Variants in SLC12A3 observed in about 807,000 individuals in gnomAD.
SLC12A3 encodes Na-Cl cotransporter.
A neutral mutation model predicts 121.0 loss-of-function variants in SLC12A3; 104 were observed. The ratio of observed to expected loss-of-function variants is 0.86; its 90% CI spans 0.73 to 1.01. SLC12A3 has a LOEUF of 1.01. Among genes scored for constraint, SLC12A3 ranks in the 50% least tolerant of loss-of-function variants. SLC12A3 has a pLI of 0.00. For missense variants in SLC12A3, 1,328 were observed against 1,356.3 expected (o/e 0.98, Z 0.33); for synonymous variants, 536 against 533.4 (o/e 1.00, Z -0.07).
At chr16:56,895,840 G>T (rs757271785) in intron 22 of SLC12A3, among the ~76,000 whole-genome samples, 3 of 152,102 alleles carry the variant, frequency 2.0e-5, no homozygotes, top group Non-Finnish European at 4.4e-5. Context: ...TTGTTTTCCT[G>T]CAACTAGATG....
chr16:56,889,538 G>A lies in SLC12A3; in HGVS notation c.2286-736G>A, dbSNP rs1036152452. ...GTCGCCCCGGCTGGAGTGCAATGGT[G>A]CGATCTTGGCTCACCACAACCTCTG... On this transcript the variant is annotated intron_variant, in intron 18 of 25. Coordinates refer to ENST00000563236, the MANE Select transcript of SLC12A3 (RefSeq NM_001126108.2). Among the ~76,000 whole-genome samples the A allele has an allele frequency of 2.8e-4, 43 of 152,266 alleles. 1 individual carries two copies. Among genetic ancestry groups the A allele is most frequent in the South Asian group, 4.2e-4 (2 of 4,818 alleles).
chr16:56,903,762 C>T (rs1032790698), intron 24 of SLC12A3, among the ~76,000 whole-genome samples: 5 of 131,536 alleles, frequency 3.8e-5, no homozygotes, highest in African/African-American at 6.8e-5. Context: ...CCCAGTCCCA[C>T]GCAAGTTTGG....
At chr16:56,892,629 GCCTGA>G (rs2055404528) in intron 20 of SLC12A3, among the ~76,000 whole-genome samples, 2 of 152,130 alleles carry the variant, frequency 1.3e-5, no homozygotes, top group Non-Finnish European at 2.9e-5. Context: ...GAGACAGGGG[GCCTGA>G]AGTGCAGGCG....
In SLC12A3 at chr16:56,913,605, T is replaced by C; in HGVS notation, c.*200T>C. On this transcript the variant is annotated 3_prime_UTR_variant, in exon 26 of 26. Transcript: ENST00000563236. ...TGGGACACATTCCCTGGGTCTTGTG[T>C]TTATAGGCTAGAGAAATAGCAGATG... 1.5e-6 allele frequency: 1 copy of C among 649,940 alleles called. No homozygotes were observed. Among genetic ancestry groups the C allele is most frequent in the Non-Finnish European group, 2.8e-6 (1 of 359,808 alleles). The allele number at this position is 649,940 out of a possible 1,614,324, so 40.3% of individuals were successfully genotyped here. A position where few individuals can be genotyped will look rare whatever the true frequency, so the allele number is the denominator to read the frequency against.
intron 8 of SLC12A3, among the ~76,000 whole-genome samples, chr16:56,876,964 G>A (rs543701223): frequency 3.3e-5 from 5 of 152,316 alleles, no homozygotes; most frequent in South Asian, 4.1e-4. Context: ...TGTCCTCCTC[G>A]CAGCTCTCTG....
At chr16:56,872,063 G>T (rs2055104846) in intron 6 of SLC12A3, among the ~76,000 whole-genome samples, 1 of 151,918 alleles carries the variant, frequency 6.6e-6, no homozygotes, top group Non-Finnish European at 1.5e-5. Context: ...TGTTGGCCAG[G>T]CTGGTCTCAA....
chr16:56,890,213 C>A, intron 18 of SLC12A3, 61 bp from the exon 19 acceptor site: 1 of 1,329,186 alleles, frequency 7.5e-7, no homozygotes, highest in Non-Finnish European at 1.1e-6. Context: ...CTCCTGGGTG[C>A]CAGGTCACCT....
intron 25 of SLC12A3, among the ~76,000 whole-genome samples, chr16:56,905,855 A>G: frequency 6.6e-6 from 1 of 152,224 alleles, no homozygotes; most frequent in East Asian, 1.9e-4. Context: ...TGACGTGGGC[A>G]TGAAACGTCA....
rs1233683747 is a variant in SLC12A3 at position 56,887,034 on chromosome 16, G to A, written c.2119G>A (p.Ala707Thr). The stretch of plus-strand genomic sequence containing the variant: ...GTGGCTGAACAAGAGGAAGATCAAG[G>A]CCTTCTACTCGGATGTCATTGCCGA... Reference protein sequence around the residue: ...TKWLNKRKIKAFYSDVIAEDL... With the variant: ...TKWLNKRKIKTFYSDVIAEDL... The change falls in exon 17 of 26, where the codon GCC (alanine) becomes ACC (threonine). Residue 707 changes from alanine to threonine, a missense_variant. By Grantham distance (58) the Ala-to-Thr change is moderately conservative. Transcript: ENST00000563236. The A allele has an allele frequency of 1.2e-6, 2 of 1,613,872 alleles. No individual in the cohort carries two copies. The highest frequency in any genetic ancestry group is 1.1e-5 in the South Asian group (1 of 91,088).
At chr16:56,886,210 C>T (rs576789600) in intron 15 of SLC12A3, among the ~76,000 whole-genome samples, 154 bp from the exon 16 acceptor site, 1 of 152,274 alleles carries the variant, frequency 6.6e-6, no homozygotes, top group South Asian at 2.1e-4. Flanking sequence ...CCAAAAGTCA[C>T]CCTGGATTTA....
At chr16:56,887,798 A>ATATATATATATAAATATATATAT (rs1433682477) in intron 17 of SLC12A3, 127 bp from the exon 18 acceptor site, 1 of 68,456 alleles carries the variant, frequency 1.5e-5, no homozygotes, top group African/African-American at 5.7e-5. Context: ...ATATATATAT[A>ATATATATATATAAATATATATAT]TTTTTTTTTT....
At position 56,914,936 on chromosome 16, in the gene SLC12A3, G is replaced by A. The variant is rs754453724; in HGVS notation, c.*1531G>A. ...AGAGATGGAAAGAGCAGGCGGCAGA[G>A]GGGGCTGGCAGGGAGGGGCTGTTAA... On this transcript the variant is annotated 3_prime_UTR_variant, in exon 26 of 26. Coordinates refer to ENST00000563236, the MANE Select transcript of SLC12A3 (RefSeq NM_001126108.2). The A allele has an allele frequency of 2.0e-5, 3 of 152,322 alleles. No homozygotes were observed. Among genetic ancestry groups the A allele is most frequent in the Admixed American group, 1.3e-4 (2 of 15,260 alleles). 9.4% of individuals were successfully genotyped at this position (152,322 alleles called of 1,614,324 possible).
Position 56,880,198 on chromosome 16 carries a change from G to C in SLC12A3, c.1512G>C (p.Glu504Asp). The stretch of plus-strand genomic sequence containing the variant: ...GCAAAGGCTATGGCAAGAACAAGGA[G>C]CCCGTGCGTGGCTACCTGCTGGCCT... ...FFGKGYGKNK[E>D]PVRGYLLAYA... is the part of the protein sequence containing the mutation. Residue 504 changes from glutamate to aspartate, a missense_variant, in exon 12 of 26, where the codon GAG becomes GAC. Physicochemically the swap from Glu to Asp is conservative, Grantham distance 45. Transcript: ENST00000563236. 1 of 1,597,704 alleles carries C rather than the reference G, an allele frequency of 6.3e-7. No individual in the cohort carries two copies. Among genetic ancestry groups the C allele is most frequent in the South Asian group, 1.1e-5 (1 of 87,894 alleles).
chr16:56,898,361 C>G (rs2055493735), intron 22 of SLC12A3, among the ~76,000 whole-genome samples: 1 of 152,146 alleles, frequency 6.6e-6, no homozygotes, highest in African/African-American at 2.4e-5. Flanking sequence ...CAGGTTCACA[C>G]CATTCTCCTG....
intron 4 of SLC12A3, 101 bp from the exon 5 acceptor site, chr16:56,869,990 TGCCCC>T: frequency 6.8e-7 from 1 of 1,476,688 alleles, no homozygotes; most frequent in Non-Finnish European, 9.4e-7. Context: ...AGCTATCTCC[TGCCCC>T]GTGGGTCCTG....
At chr16:56,879,511 C>A (rs375031856) in intron 10 of SLC12A3, 31 bp from the exon 11 acceptor site, 6 of 1,555,720 alleles carry the variant, frequency 3.9e-6, no homozygotes, top group Middle Eastern at 1.7e-4. Context: ...CAGCCCCCAC[C>A]GTGGAGTCCC....
rs750855474 is a variant in SLC12A3 at position 56,887,963 on chromosome 16, G to A, written c.2217G>A (p.Val739=). ...GLGRMKPNIL[V]VGFKKNWQSA... ...GGAGAATGAAGCCCAACATTCTGGT[G>A]GTTGGGTTCAAGAAGAACTGGCAGT... Residue 739 remains valine, a synonymous_variant, in exon 18 of 26, where the codon GTG becomes GTA. Transcript: ENST00000563236. 2 of 1,613,092 alleles carry A rather than the reference G, an allele frequency of 1.2e-6. No individual in the cohort carries two copies. The highest frequency in any genetic ancestry group is 2.2e-5 in the South Asian group (2 of 91,060).
intron 9 of SLC12A3, among the ~76,000 whole-genome samples, chr16:56,878,596 A>C (rs192489031): frequency 6.6e-6 from 1 of 152,254 alleles, no homozygotes; most frequent in East Asian, 1.9e-4. Context: ...CAGAGACGTT[A>C]AGTGACCTGC....
intron 24 of SLC12A3, 23 bp downstream of exon 24, chr16:56,902,531 G>GGGGC: frequency 2.1e-5 from 15 of 714,480 alleles, no homozygotes; most frequent in East Asian, 4.1e-5. Context: ...GTGGGGGTGG[G>GGGGC]AAACGCGACA....
Sources: allele counts gnomAD v4.1 joint callset (sites outside exome capture counted in the v4.1 genomes callset), GRCh38; gene constraint gnomAD v4.1.1; transcripts MANE v1.5; gene names NCBI Gene and HGNC (gene_info 2026-07-23, HGNC 2026-07-21).